Variants in HIVEP3 observed in about 807,000 individuals in gnomAD.
HIVEP3 encodes HIVEP zinc finger 3, also known as transcription factor HIVEP3.
HIVEP3 carries 49 observed loss-of-function variants against 152.8 expected under a neutral mutation model. That is an observed-to-expected ratio of 0.32 (90% CI 0.26 to 0.41). The LOEUF (loss-of-function observed/expected upper bound fraction) is 0.41. Ranked by LOEUF, HIVEP3 falls within the 10% of genes least tolerant of loss-of-function variation. The probability of loss-of-function intolerance (pLI) is 1.00; values close to 1 mark genes in which losing one functional copy is unlikely to be tolerated. For missense variants in HIVEP3, 2,790 were observed against 3,103.3 expected (o/e 0.90, Z 2.40); for synonymous variants, 1,269 against 1,289.0 (o/e 0.98, Z 0.33).
chr1:41,837,698 A>G (rs1435783696), intron 1 of HIVEP3, among the ~76,000 whole-genome samples: 1 of 152,064 alleles, frequency 6.6e-6, no homozygotes, highest in African/African-American at 2.4e-5. Flanking sequence ...TCCTTGTTTA[A>G]TTCTATCTCC....
intron 1 of HIVEP3, among the ~76,000 whole-genome samples, chr1:41,732,213 T>A (rs1343162435): frequency 6.6e-6 from 1 of 152,132 alleles, no homozygotes; most frequent in African/African-American, 2.4e-5. Flanking sequence ...ACGGGGAGCA[T>A]CAGCAGAGGC....
chr1:41,939,771 C>T (rs1645036583), intron 1 of HIVEP3, among the ~76,000 whole-genome samples: 2 of 152,054 alleles, frequency 1.3e-5, no homozygotes, highest in African/African-American at 4.8e-5. Context: ...TAACTAAATC[C>T]AATCTTCTTG....
intron 3 of HIVEP3, among the ~76,000 whole-genome samples, chr1:41,619,078 T>C (rs1645009239): frequency 1.3e-5 from 2 of 149,366 alleles, no homozygotes; most frequent in African/African-American, 5.0e-5. Context: ...TGCTCAGGCC[T>C]CCCAGGGCTT....
chr1:41,625,162 C>CAAAAAAAAAAAAA (rs59268661), intron 3 of HIVEP3, among the ~76,000 whole-genome samples: 1 of 71,230 alleles, frequency 1.4e-5, no homozygotes. Flanking sequence ...GATTCCAACT[C>CAAAAAAAAAAAAA]AAAAAAAAAA....
chr1:41,663,355 T>C (rs893413917), intron 2 of HIVEP3, among the ~76,000 whole-genome samples: 1 of 152,132 alleles, frequency 6.6e-6, no homozygotes, highest in African/African-American at 2.4e-5. Context: ...TAGAGTGAGG[T>C]AAGTTAAGTG....
intron 2 of HIVEP3, among the ~76,000 whole-genome samples, chr1:41,666,171 A>G (rs1448354797): frequency 1.3e-5 from 2 of 151,782 alleles, no homozygotes; most frequent in East Asian, 1.9e-4. Flanking sequence ...GTGCACATGT[A>G]TGGTAGGTGC....
intron 1 of HIVEP3, among the ~76,000 whole-genome samples, chr1:41,806,776 G>C (rs1031502519): frequency 2.6e-5 from 4 of 152,152 alleles, no homozygotes; most frequent in African/African-American, 4.8e-5. Context: ...GACTCCAGAG[G>C]GAAGGGGCAT....
At chr1:41,613,745 A>G (rs1644929420) in intron 3 of HIVEP3, among the ~76,000 whole-genome samples, 1 of 152,234 alleles carries the variant, frequency 6.6e-6, no homozygotes, top group Non-Finnish European at 1.5e-5. Context: ...AACCATCCCA[A>G]TGATGTAATT....
At chr1:41,676,423 G>A (rs1645957748) in intron 2 of HIVEP3, among the ~76,000 whole-genome samples, 1 of 152,184 alleles carries the variant, frequency 6.6e-6, no homozygotes, top group Non-Finnish European at 1.5e-5. Context: ...TCCCCATGCA[G>A]GAGAAGGTGG....
chr1:41,587,523 G>A (rs570436602), intron 3 of HIVEP3, among the ~76,000 whole-genome samples: 9 of 152,188 alleles, frequency 5.9e-5, no homozygotes, highest in Non-Finnish European at 1.3e-4. Flanking sequence ...GGCAAACCAG[G>A]ACAAAATGGT....
intron 1 of HIVEP3, among the ~76,000 whole-genome samples, chr1:41,978,999 T>C (rs1181970356): frequency 6.6e-6 from 1 of 152,132 alleles, no homozygotes; most frequent in Non-Finnish European, 1.5e-5. Flanking sequence ...GAAGGCATCC[T>C]CTCTTCCCTG....
rs200743652 is a variant in HIVEP3 at position 41,524,784 on chromosome 1, G to A, written c.5334C>T (p.Asp1778=). 54 of 1,614,170 alleles carry A rather than the reference G, an allele frequency of 3.3e-5. No individual in the cohort carries two copies. The highest frequency in any genetic ancestry group is 3.1e-4 in the African/African-American group (23 of 75,070). ...AGTGCTTGCACACATAGGGCCGGAC[G>A]TCAGTGTGGGTGCGGATGTGTTTCT... is the stretch of plus-strand genomic sequence containing the variant. The part of the protein sequence containing the change: ...MLKKHIRTHT[D]VRPYVCKHCH... Residue 1778 remains aspartate (D), a synonymous_variant, in exon 6 of 9, where the codon GAC becomes GAT. Coordinates refer to ENST00000372583, the MANE Select transcript of HIVEP3 (RefSeq NM_024503.5).
In HIVEP3 at chr1:41,510,502, C is replaced by A. The variant is rs760894958; in HGVS notation, c.7170G>T (p.Glu2390Asp). ...CAGGCTGATGTGGATGTGCCCTGGG[C>A]TCCCCACTTCCTGAGGGCTTGGGGG... The part of the protein sequence containing the change: ...QDSPKPSGSG[E>D]PRAHPHQPED... The change falls in exon 9 of 9, where the codon GAG becomes GAT. Residue 2390 changes from glutamate to aspartate, a missense_variant. By Grantham distance (45) the Glu-to-Asp change is conservative. Transcript: ENST00000372583. The A allele has an allele frequency of 3.1e-6, 5 of 1,595,088 alleles. No homozygotes were observed. The highest frequency in any genetic ancestry group is 1.7e-5 in the Admixed American group (1 of 57,960).
At chr1:41,946,740 G>A (rs762865815) in intron 1 of HIVEP3, among the ~76,000 whole-genome samples, 4 of 152,046 alleles carry the variant, frequency 2.6e-5, no homozygotes, top group Non-Finnish European at 4.4e-5. Flanking sequence ...TCCTGTTCAA[G>A]TTAAACTAAA....
intron 1 of HIVEP3, among the ~76,000 whole-genome samples, chr1:41,970,217 T>C (rs918032646): frequency 6.6e-6 from 1 of 152,230 alleles, no homozygotes; most frequent in African/African-American, 2.4e-5. Context: ...TAAATTATTA[T>C]ATTATAAAGA....
chr1:42,031,667 T>C (rs1645613468), intron 1 of HIVEP3, among the ~76,000 whole-genome samples: 1 of 152,140 alleles, frequency 6.6e-6, no homozygotes, highest in African/African-American at 2.4e-5. Flanking sequence ...GAACTACTAG[T>C]CTAAAAAATA....
At chr1:41,596,120 G>A (rs1644662189) in intron 3 of HIVEP3, among the ~76,000 whole-genome samples, 1 of 152,112 alleles carries the variant, frequency 6.6e-6, no homozygotes, top group Non-Finnish European at 1.5e-5. Context: ...ACTGGGAGGT[G>A]TTTCCACACG....
intron 1 of HIVEP3, among the ~76,000 whole-genome samples, chr1:41,861,930 AAG>A (rs1643891921): frequency 6.6e-6 from 1 of 152,214 alleles, no homozygotes; most frequent in Non-Finnish European, 1.5e-5. Context: ...ACGGGAGAGA[AAG>A]AAATAGATCT....
chr1:41,886,733 AAAAAAGAAG>A (rs1644353810), intron 1 of HIVEP3, among the ~76,000 whole-genome samples: 1 of 148,408 alleles, frequency 6.7e-6, no homozygotes, highest in Non-Finnish European at 1.5e-5. Flanking sequence ...AAAAAAAAAA[AAAAAAGAAG>A]GAAAAGAAAA....
Sources: gnomAD v4.1 joint callset for allele counts (sites outside exome capture counted in the v4.1 genomes callset) on GRCh38, gnomAD v4.1.1 for gene constraint, MANE v1.5 for transcripts, NCBI Gene and HGNC (gene_info 2026-07-23, HGNC 2026-07-21) for gene names.